Variants in RTF1 observed in about 807,000 individuals in gnomAD.
RTF1 encodes the protein RNA polymerase-associated protein RTF1 homolog.
RTF1 carries 10 observed loss-of-function variants against 95.7 expected under a neutral mutation model. That is an observed-to-expected ratio of 0.10 (90% confidence interval 0.06 to 0.18). The LOEUF (loss-of-function observed/expected upper bound fraction) is 0.18. Among genes scored for constraint, RTF1 ranks in the 10% least tolerant of loss-of-function variants. The pLI, the probability that RTF1 is intolerant of heterozygous loss-of-function variation, is 1.00. For synonymous variants in RTF1, 305 were observed against 311.8 expected, an observed-to-expected ratio of 0.98 and a Z score of 0.23; for missense variants, 458 against 875.6, an observed-to-expected ratio of 0.52 and a Z score of 6.02.
At chr15:41,426,779 A>G (rs1353582278) in intron 1 of RTF1, among the ~76,000 whole-genome samples, 80 of 77,598 alleles carry the variant, frequency 1.0e-3, no homozygotes, top group African/African-American at 3.7e-3. Flanking sequence ...CGCTACATAT[A>G]TATGTGTGTG....
intron 3 of RTF1, among the ~76,000 whole-genome samples, chr15:41,455,795 T>C (rs1003772381): frequency 2.0e-5 from 3 of 148,066 alleles, no homozygotes; most frequent in South Asian, 2.1e-4. Context: ...AAAAAAAGAA[T>C]GATATAATGG....
chr15:41,477,289 G>A lies in RTF1; in HGVS notation c.1682+3G>A, dbSNP rs2140656925. On this transcript the variant is annotated splice_donor_region_variant and intron_variant, in intron 13 of 17. Transcript: ENST00000389629. ...ACCAAGAACATATCCGCTATCAGGTGTGTTATGGAGCCTATTTTTGGCCCG... is the reference window on the plus strand; with the variant it reads ...ACCAAGAACATATCCGCTATCAGGTATGTTATGGAGCCTATTTTTGGCCCG... The A allele has an allele frequency of 6.2e-7, 1 of 1,614,250 alleles. No homozygotes were observed. The highest frequency in any genetic ancestry group is 8.5e-7 in the Non-Finnish European group (1 of 1,180,040).
chr15:41,418,714 G>A (rs563751114), intron 1 of RTF1, among the ~76,000 whole-genome samples: 3 of 150,718 alleles, frequency 2.0e-5, no homozygotes, highest in South Asian at 4.2e-4. Flanking sequence ...GGAGGCTGAG[G>A]CAGGAGAATT....
chr15:41,475,443 G>A (rs2050937474), intron 9 of RTF1, 82 bp from the exon 10 acceptor site: 1 of 1,044,668 alleles, frequency 9.6e-7, no homozygotes, highest in Non-Finnish European at 1.5e-6. Flanking sequence ...TATATAGGTG[G>A]TACATAGTCT....
intron 3 of RTF1, 54 bp downstream of exon 3, chr15:41,453,102 A>G: frequency 1.4e-6 from 2 of 1,463,288 alleles, no homozygotes; most frequent in Non-Finnish European, 1.8e-6. Context: ...GTCAGCTTGA[A>G]GGTGCAAAGG....
intron 1 of RTF1, among the ~76,000 whole-genome samples, chr15:41,430,245 C>A (rs1184405060): frequency 1.4e-5 from 2 of 147,282 alleles, no homozygotes; most frequent in East Asian, 2.0e-4. Flanking sequence ...GGCGCGATCT[C>A]GGCTCACTGC....
chr15:41,461,621 C>G (rs534164781), intron 4 of RTF1, among the ~76,000 whole-genome samples: 121 of 152,182 alleles, frequency 8.0e-4, no homozygotes, highest in African/African-American at 2.1e-3. Flanking sequence ...TCCCAAGTAG[C>G]TGGGTTTACA....
intron 2 of RTF1, among the ~76,000 whole-genome samples, chr15:41,451,284 T>C (rs2050788434): frequency 6.6e-6 from 1 of 152,234 alleles, no homozygotes; most frequent in Non-Finnish European, 1.5e-5. Flanking sequence ...TTATTCTTTA[T>C]GGTAATTAGA....
chr15:41,471,721 C>T (rs16971832), intron 8 of RTF1, among the ~76,000 whole-genome samples: 7,703 of 151,964 alleles, frequency 0.051, 239 homozygotes, highest in East Asian at 0.16. Flanking sequence ...GACTTCTACA[C>T]CAGGGAATTG....
chr15:41,417,430 C>T, intron 1 of RTF1, 117 bp downstream of exon 1: 1 of 863,208 alleles, frequency 1.2e-6, no homozygotes, highest in African/African-American at 1.7e-5. Flanking sequence ...CGCCCCGTGC[C>T]CTGGGCACCA....
intron 1 of RTF1, among the ~76,000 whole-genome samples, chr15:41,428,268 T>C (rs2050648291): frequency 1.2e-5 from 1 of 81,072 alleles, no homozygotes; most frequent in Non-Finnish European, 2.9e-5. Context: ...TTTTTTTTTT[T>C]TTTTTTTTTT....
chr15:41,480,979 A>G lies in RTF1; in HGVS notation c.*292A>G, dbSNP rs2050969874. The G allele has an allele frequency of 5.4e-6, 2 of 372,538 alleles. No homozygotes were observed. The highest frequency in any genetic ancestry group is 1.0e-5 in the Non-Finnish European group (2 of 197,078). The allele number at this position is 372,538 out of a possible 1,614,324, so 23.1% of individuals were successfully genotyped here. ...TTGCCTTTTGTTTTTTTAACCGCGCAGTTCATTGGCCACTCTGCACGCATT... is the reference window on the plus strand; with the variant it reads ...TTGCCTTTTGTTTTTTTAACCGCGCGGTTCATTGGCCACTCTGCACGCATT... On this transcript the variant is annotated 3_prime_UTR_variant, in exon 18 of 18. Transcript: ENST00000389629.
In RTF1 at chr15:41,470,365, G is replaced by C; in HGVS notation, c.998G>C (p.Arg333Pro). Residue 333 changes from arginine (R) to proline (P), a missense_variant, in exon 7 of 18, where the codon CGA becomes CCA. Physicochemically the swap from Arg to Pro is moderately radical, Grantham distance 103 (BLOSUM62 -2). Coordinates refer to ENST00000389629, the MANE Select transcript of RTF1 (RefSeq NM_015138.5). ...KSSEKSDRSSRTSSSDEEEEK... is the reference protein window; with the variant it reads ...KSSEKSDRSSPTSSSDEEEEK... The stretch of plus-strand genomic sequence containing the variant: ...AGTGAAAAGTCAGACCGCTCATCAC[G>C]AACATCATCGTCTGATGAAGAAGAG... The C allele has an allele frequency of 6.2e-7, 1 of 1,613,968 alleles. No individual in the cohort carries two copies. Among genetic ancestry groups the C allele is most frequent in the East Asian group, 2.2e-5 (1 of 44,886 alleles).
At chr15:41,453,138 T>G in intron 3 of RTF1, 90 bp downstream of exon 3, 263 of 1,103,594 alleles carry the variant, frequency 2.4e-4, no homozygotes, top group Non-Finnish European at 3.0e-4. Context: ...AGGGGGGTAC[T>G]TGCATTCAGC....
chr15:41,479,077 C>T, intron 15 of RTF1, 26 bp from the exon 16 acceptor site: 1 of 1,562,858 alleles, frequency 6.4e-7, no homozygotes, highest in Non-Finnish European at 8.8e-7. Context: ...CAAGCAATCT[C>T]TAAAACAACT....
chr15:41,473,528 G>C (rs560794798), intron 8 of RTF1, among the ~76,000 whole-genome samples: 2 of 150,778 alleles, frequency 1.3e-5, no homozygotes, highest in African/African-American at 4.9e-5. Flanking sequence ...TTCCTGCCTC[G>C]GTTTTCGAAA....
intron 4 of RTF1, among the ~76,000 whole-genome samples, 181 bp downstream of exon 4, chr15:41,458,057 T>C (rs1395699818): frequency 2.0e-5 from 3 of 152,204 alleles, no homozygotes; most frequent in Non-Finnish European, 4.4e-5. Context: ...ATTTACTCAG[T>C]GCCACTGGCT....
At chr15:41,458,467 G>A (rs183627915) in intron 4 of RTF1, among the ~76,000 whole-genome samples, 12 of 152,180 alleles carry the variant, frequency 7.9e-5, no homozygotes, top group African/African-American at 1.7e-4. Flanking sequence ...CTGTAACACC[G>A]CACTACAGGC....
intron 1 of RTF1, among the ~76,000 whole-genome samples, chr15:41,420,861 T>C (rs550647791): frequency 6.6e-6 from 1 of 152,332 alleles, no homozygotes; most frequent in African/African-American, 2.4e-5. Context: ...TCTCAGGGGA[T>C]AGAGGTCTGG....
Sources: allele counts gnomAD v4.1 joint callset (sites outside exome capture counted in the v4.1 genomes callset), GRCh38; gene constraint gnomAD v4.1.1; transcripts MANE v1.5; gene names NCBI Gene and HGNC (gene_info 2026-07-23, HGNC 2026-07-21).